The following VSIG10 variants were observed in gnomAD, a reference collection of about 807,000 sequenced individuals.
VSIG10 encodes V-set and immunoglobulin domain containing 10.
VSIG10 carries 48 observed loss-of-function variants against 58.7 expected under a neutral mutation model. The ratio of observed to expected loss-of-function variants is 0.82; its 90% CI spans 0.65 to 1.04. The LOEUF (loss-of-function observed/expected upper bound fraction) is 1.04, where lower values mean the gene tolerates loss of function less well. Ranked by LOEUF, VSIG10 falls within the 50% of genes least tolerant of loss-of-function variation. VSIG10 has a pLI of 0.00. For synonymous variants in VSIG10, 260 were observed against 267.1 expected (o/e 0.97, Z 0.26); for missense variants, 628 against 670.0 (o/e 0.94, Z 0.69).
chr12:118,088,656 C>T (rs925648785), intron 2 of VSIG10, among the ~76,000 whole-genome samples: 4 of 151,974 alleles, frequency 2.6e-5, no homozygotes, highest in South Asian at 2.1e-4. Flanking sequence ...TGGCCACTGT[C>T]GGGGAGCAAC....
intron 1 of VSIG10, among the ~76,000 whole-genome samples, chr12:118,096,586 A>AAG (rs1315573860): frequency 6.6e-6 from 1 of 150,536 alleles, no homozygotes; most frequent in Non-Finnish European, 1.5e-5. Context: ...CTCAAAAAAA[A>AAG]AAAAAAAAGC....
At chr12:118,097,952 A>G (rs1404602445) in intron 1 of VSIG10, among the ~76,000 whole-genome samples, 1 of 152,104 alleles carries the variant, frequency 6.6e-6, no homozygotes, top group African/African-American at 2.4e-5. Context: ...ACTACATGGT[A>G]CAGACCCAAG....
At chr12:118,069,084 A>T (rs1302696930) in intron 7 of VSIG10, among the ~76,000 whole-genome samples, 1 of 151,784 alleles carries the variant, frequency 6.6e-6, no homozygotes, top group Non-Finnish European at 1.5e-5. Flanking sequence ...TTCAGACTAT[A>T]CATTTCTTTT....
rs2032603134 is a variant in VSIG10 at position 118,073,876 on chromosome 12, G to A, written c.1042C>T (p.Leu348Phe). 2 of 1,613,822 alleles carry A rather than the reference G, an allele frequency of 1.2e-6. No individual in the cohort carries two copies. The highest frequency in any genetic ancestry group is 1.3e-5 in the African/African-American group (1 of 74,912). ...TGGATGATCACCTCGGGCTGGGTAA[G>A]GTTCCTCAGCCACAGGATCTTGGCA... ...PPAKILWLRN[L>F]TQPEVIIQPS... Residue 348 changes from leucine to phenylalanine, a missense_variant, in exon 5 of 9, where the codon CTT becomes TTT. Physicochemically the swap from Leu to Phe is conservative, Grantham distance 22. Coordinates refer to ENST00000359236, the MANE Select transcript of VSIG10 (RefSeq NM_019086.6).
intron 8 of VSIG10, 77 bp downstream of exon 8, chr12:118,068,300 G>A (rs1486942207): frequency 1.4e-6 from 2 of 1,477,328 alleles, no homozygotes; most frequent in Non-Finnish European, 1.8e-6. Context: ...CTCCCAAAGT[G>A]CTGGGATTAT....
chr12:118,087,201 C>T (rs1024093471), intron 2 of VSIG10, among the ~76,000 whole-genome samples: 3 of 152,202 alleles, frequency 2.0e-5, no homozygotes, highest in Non-Finnish European at 4.4e-5. Flanking sequence ...TTCAACTTCA[C>T]CTTTCAATTA....
In VSIG10 at chr12:118,082,166, T is replaced by C. The variant is rs1223999112; in HGVS notation, c.625A>G (p.Lys209Glu). The C allele has an allele frequency of 6.2e-7, 1 of 1,613,824 alleles. No individual in the cohort carries two copies. Among genetic ancestry groups the C allele is most frequent in the Admixed American group, 1.7e-5 (1 of 60,002 alleles). Residue 209 changes from lysine (K) to glutamate (E), a missense_variant, in exon 3 of 9, where the codon AAG becomes GAG. Physicochemically the swap from Lys to Glu is moderately conservative, Grantham distance 56. Transcript: ENST00000359236. ...TCGGTGGTCACCTTTCGATGTCTCT[T>C]GCTGAGCTGATTCAAGGCTAAACAG... Reference protein sequence around the residue: ...YTCLALNQLSKRHRKVTTELL... With the variant: ...YTCLALNQLSERHRKVTTELL...
rs377504203 is a variant in VSIG10 at position 118,082,376 on chromosome 12, C to T, written c.415G>A (p.Gly139Ser). 3.7e-6 allele frequency: 6 copies of T among 1,613,446 alleles called. No homozygotes were observed. Among genetic ancestry groups the T allele is most frequent in the East Asian group, 2.2e-5 (1 of 44,858 alleles). ...HIVATGTLPN[G>S]TLYAARGSQV... ...GAGCCCCTGGCTGCGTAGAGGGTGC[C>T]GTTGGGGAGTGTGCCGGTGGCCACG... Residue 139 changes from glycine to serine, a missense_variant, in exon 3 of 9, where the codon GGC becomes AGC. By Grantham distance (56) the Gly-to-Ser change is moderately conservative (BLOSUM62 0). Coordinates refer to ENST00000359236, the MANE Select transcript of VSIG10 (RefSeq NM_019086.6).
intron 6 of VSIG10, 64 bp from the exon 7 acceptor site, chr12:118,071,131 A>C: frequency 1.3e-6 from 2 of 1,537,836 alleles, no homozygotes; most frequent in Non-Finnish European, 1.8e-6. Context: ...ACAGGTTCTT[A>C]ATCAGGCAAA....
At position 118,075,164 on chromosome 12, in the gene VSIG10, A is replaced by G. The variant is rs7972165; in HGVS notation, c.926-1172T>C. On this transcript the variant is annotated intron_variant, in intron 4 of 8. Transcript: ENST00000359236. The stretch of plus-strand genomic sequence containing the variant: ...TATATGTGTATATGTATATATATGT[A>G]TATATATGTATATATGTGTGTATAT... 5.2e-3 allele frequency among the ~76,000 whole-genome samples: 646 copies of G among 123,882 alleles called. 5 individuals are homozygous for G. The highest frequency in any genetic ancestry group is 0.02 in the African/African-American group (605 of 30,952). The allele number at this position is 123,882 out of a possible 152,430, so 81.3% of individuals were successfully genotyped here.
intron 4 of VSIG10, among the ~76,000 whole-genome samples, chr12:118,074,431 T>C (rs908663285): frequency 1.3e-5 from 2 of 151,958 alleles, no homozygotes; most frequent in East Asian, 1.9e-4. Context: ...TCAGTTACCA[T>C]GGTTGACTAC....
chr12:118,100,442 A>T (rs1402832180), intron 1 of VSIG10, among the ~76,000 whole-genome samples: 1 of 152,058 alleles, frequency 6.6e-6, no homozygotes. Context: ...GGTTGCAGTG[A>T]GCCAAGATCG....
intron 7 of VSIG10, among the ~76,000 whole-genome samples, chr12:118,069,099 T>C (rs956114928): frequency 2.7e-5 from 4 of 150,538 alleles, no homozygotes; most frequent in African/African-American, 9.8e-5. Flanking sequence ...TCTTTTTTTT[T>C]TCTTTTTCGG....
chr12:118,085,008 G>A (rs1201619661), intron 2 of VSIG10, among the ~76,000 whole-genome samples: 4 of 152,150 alleles, frequency 2.6e-5, no homozygotes, highest in African/African-American at 9.7e-5. Context: ...AACAGAGTGA[G>A]ACTCCGTCTC....
chr12:118,101,693 A>G (rs755674165), intron 1 of VSIG10: 10 of 152,226 alleles, frequency 6.6e-5, no homozygotes, highest in Non-Finnish European at 1.2e-4. Flanking sequence ...GTGGATGCAT[A>G]TAAGTTGTCT....
chr12:118,080,446 C>T (rs567529033), intron 3 of VSIG10, among the ~76,000 whole-genome samples: 1 of 152,146 alleles, frequency 6.6e-6, no homozygotes, highest in Admixed American at 6.5e-5. Flanking sequence ...AGACGTGAGC[C>T]ACCGCGCTCA....
chr12:118,083,801 C>A (rs1482666373), intron 2 of VSIG10, among the ~76,000 whole-genome samples: 1 of 152,056 alleles, frequency 6.6e-6, no homozygotes, highest in East Asian at 1.9e-4. Context: ...CAAGTGTGAG[C>A]CACCACACCT....
At chr12:118,100,711 TAG>T (rs2033602721) in intron 1 of VSIG10, among the ~76,000 whole-genome samples, 1 of 152,104 alleles carries the variant, frequency 6.6e-6, no homozygotes, top group Non-Finnish European at 1.5e-5. Flanking sequence ...TGTATTTTTG[TAG>T]AGACAGGGTT....
chr12:118,076,806 C>T lies in VSIG10; in HGVS notation c.925+2540G>A, dbSNP rs1423242729. On this transcript the variant is annotated intron_variant, in intron 4 of 8. Coordinates refer to ENST00000359236, the MANE Select transcript of VSIG10 (RefSeq NM_019086.6). ...CAGTAGCTGGGATTATAGGTGCATA[C>T]CACCATGCCCAGCTACTTTATTTAT... 2.6e-5 allele frequency among the ~76,000 whole-genome samples: 4 copies of T among 151,570 alleles called. No individual in the cohort carries two copies. In the East Asian group the frequency reaches 7.8e-4, roughly 30 times the overall value.
Sources: gnomAD v4.1 joint callset for allele counts (sites outside exome capture counted in the v4.1 genomes callset) on GRCh38, gnomAD v4.1.1 for gene constraint, MANE v1.5 for transcripts, NCBI Gene and HGNC (gene_info 2026-07-23, HGNC 2026-07-21) for gene names.